EML5: variants seen among roughly 807,000 people sequenced by gnomAD.
EML5 encodes EMAP like 5.
In EML5, 120 loss-of-function variants were observed where a neutral mutation model predicts 250.0. The observed-to-expected ratio is 0.48, with a 90% CI of 0.41 to 0.56. The LOEUF is 0.56. Among genes scored for constraint, EML5 ranks in the 20% least tolerant of loss-of-function variants. The pLI is 0.00. For synonymous variants in EML5, 771 were observed against 806.5 expected (o/e 0.96, Z 0.75); for missense variants, 2,006 against 2,437.6 (o/e 0.82, Z 3.73).
intron 13 of EML5, among the ~76,000 whole-genome samples, chr14:88,703,571 C>T (rs756139874): frequency 6.6e-6 from 1 of 152,188 alleles, no homozygotes; most frequent in Non-Finnish European, 1.5e-5. Context: ...ATAGAAACTA[C>T]TGCCATTTTA....
intron 1 of EML5, among the ~76,000 whole-genome samples, chr14:88,772,129 C>T (rs1173236001): frequency 6.6e-6 from 1 of 152,194 alleles, no homozygotes; most frequent in Admixed American, 6.5e-5. Flanking sequence ...TTGCTCAGAC[C>T]AAGAAGCTAA....
At chr14:88,744,402 C>T (rs139702303) in intron 3 of EML5, among the ~76,000 whole-genome samples, 1,587 of 151,864 alleles carry the variant, frequency 0.01, 29 homozygotes, top group African/African-American at 0.036. Context: ...AATTAGGACA[C>T]GAAGGGAGGT....
chr14:88,768,234 G>A (rs909860690), intron 1 of EML5, among the ~76,000 whole-genome samples: 32 of 152,128 alleles, frequency 2.1e-4, no homozygotes, highest in Non-Finnish European at 3.7e-4. Flanking sequence ...TGGTTAAACA[G>A]TACATGCCAC....
chr14:88,713,731 C>T (rs943632021), intron 9 of EML5, among the ~76,000 whole-genome samples: 1 of 151,570 alleles, frequency 6.6e-6, no homozygotes, highest in Non-Finnish European at 1.5e-5. Context: ...GCTGGGATTA[C>T]AGGCGTGAGG....
chr14:88,700,621 A>G (rs1358401252), intron 14 of EML5, among the ~76,000 whole-genome samples: 1 of 152,150 alleles, frequency 6.6e-6, no homozygotes, highest in Non-Finnish European at 1.5e-5. Flanking sequence ...CTCCACTACA[A>G]CAAGCACCTT....
At chr14:88,660,199 C>G (rs555817612) in intron 25 of EML5, among the ~76,000 whole-genome samples, 3 of 150,286 alleles carry the variant, frequency 2.0e-5, no homozygotes, top group Non-Finnish European at 4.4e-5. Context: ...GGGAGGATAA[C>G]TTGGGTCTGG....
intron 21 of EML5, among the ~76,000 whole-genome samples, chr14:88,670,144 A>G (rs1215684585): frequency 6.6e-6 from 1 of 151,586 alleles, no homozygotes; most frequent in Non-Finnish European, 1.5e-5. Flanking sequence ...GTGAAACCCC[A>G]TCTCTACTAA....
Position 88,792,553 on chromosome 14 carries a change from AGGCGGC to A in EML5, c.-56_-51del. On this transcript the variant is annotated 5_prime_UTR_variant, in exon 1 of 44. Transcript: ENST00000554922. This position sits in a 1 kb window ranked among gnomAD's most constrained non-coding sequence, Gnocchi z 6.9. ...CGCTCGGGCCCGCGGCGGCGACGGG[AGGCGGC>A]GGCGGCCCGGCAACGAAAGCCCTCC... 8.2e-7 allele frequency: 1 copy of A among 1,215,918 alleles called. No individual in the cohort carries two copies. Among genetic ancestry groups the A allele is most frequent in the Non-Finnish European group, 1.0e-6 (1 of 972,452 alleles). 75.3% of individuals were successfully genotyped at this position (1,215,918 alleles called of 1,614,324 possible). A position where few individuals can be genotyped will look rare whatever the true frequency, so the allele number is the denominator to read the frequency against.
In EML5 at chr14:88,664,376, G is replaced by C. The variant is rs1157948138; in HGVS notation, c.3409+117C>G. The C allele has an allele frequency of 6.5e-6, 5 of 766,828 alleles. No homozygotes were observed. In the Admixed American group the frequency reaches 1.2e-4, roughly 18 times the overall value. The allele number at this position is 766,828 out of a possible 1,614,324, so 47.5% of individuals were successfully genotyped here. ...AGTAAAAAATAATTTTGAGAATAAT[G>C]GTTGTTTTTCCCAATTCTTTTTAAC... On this transcript the variant is annotated intron_variant, in intron 23 of 43. Coordinates refer to ENST00000554922, the MANE Select transcript of EML5 (RefSeq NM_183387.3).
chr14:88,786,395 G>C lies in EML5; in HGVS notation c.197+5912C>G, dbSNP rs551254033. On this transcript the variant is annotated intron_variant, in intron 1 of 43. Coordinates refer to ENST00000554922, the MANE Select transcript of EML5 (RefSeq NM_183387.3). ...TCCATAAGGGTGGGCAATTTTATCT[G>C]TTTGGTTCACTGCCATATCTCTAGT... Among the ~76,000 whole-genome samples the C allele has an allele frequency of 1.1e-4, 17 of 152,290 alleles. 1 individual carries two copies. Among genetic ancestry groups the C allele is most frequent in the Middle Eastern group, 3.4e-3 (1 of 294 alleles).
rs74921092 is a variant in EML5 at position 88,727,918 on chromosome 14, G to A, written c.1050-1240C>T. ...AAAAGATAACTAGAAGATACCCATT[G>A]TTTGAAAATTAAGAATTATACTTCC... On this transcript the variant is annotated intron_variant, in intron 7 of 43. Transcript: ENST00000554922. Among the ~76,000 whole-genome samples, 929 of 152,260 alleles carry A rather than the reference G, an allele frequency of 6.1e-3. 19 individuals are homozygous for A. In the South Asian group the frequency reaches 0.072, roughly 12 times the overall value.
intron 31 of EML5, among the ~76,000 whole-genome samples, chr14:88,641,521 T>C (rs947176915): frequency 6.6e-6 from 1 of 152,108 alleles, no homozygotes; most frequent in Non-Finnish European, 1.5e-5. Context: ...GTTCAACATA[T>C]GCAAATTAAC....
chr14:88,642,778 T>A lies in EML5; in HGVS notation c.4237+115A>T, dbSNP rs1595341528. 8 of 967,760 alleles carry A rather than the reference T, an allele frequency of 8.3e-6. No homozygotes were observed. In the East Asian group the frequency reaches 2.3e-4, roughly 28 times the overall value. 59.9% of individuals were successfully genotyped at this position (967,760 alleles called of 1,614,324 possible). A position where few individuals can be genotyped will look rare whatever the true frequency, so the allele number is the denominator to read the frequency against. On this transcript the variant is annotated intron_variant, in intron 31 of 43. Transcript: ENST00000554922. Reference sequence around the variant, plus strand: ...AATATGAAATATTTTTATTCTGGAGTGTTTCTCCTACATTTCAATTACTAT... The same window carrying A: ...AATATGAAATATTTTTATTCTGGAGAGTTTCTCCTACATTTCAATTACTAT...
At chr14:88,697,927 G>C (rs915235927) in intron 14 of EML5, among the ~76,000 whole-genome samples, 1 of 151,988 alleles carries the variant, frequency 6.6e-6, no homozygotes, top group Non-Finnish European at 1.5e-5. Context: ...AGTAGACACA[G>C]GGTTTCTCCA....
intron 2 of EML5, among the ~76,000 whole-genome samples, chr14:88,751,761 C>A (rs1018863357): frequency 4.6e-5 from 7 of 152,104 alleles, no homozygotes; most frequent in Non-Finnish European, 7.4e-5. Context: ...CAAGGAAAGA[C>A]TCCTTTAAAG....
intron 41 of EML5, chr14:88,617,693 C>T (rs1191885191): frequency 6.6e-6 from 1 of 152,264 alleles, no homozygotes; most frequent in African/African-American, 2.4e-5. Flanking sequence ...ATCAAAACTT[C>T]TAGGCTCAAG....
Position 88,696,707 on chromosome 14 carries a change from A to G in EML5, c.2344+140T>C, listed in dbSNP as rs2093087332. On this transcript the variant is annotated intron_variant, in intron 15 of 43. Transcript: ENST00000554922. Reference sequence around the variant, plus strand: ...ATCCACACTTTCATAGTATTTGATAAGGATAACAGTATACACATTTGATAA... The same window carrying G: ...ATCCACACTTTCATAGTATTTGATAGGGATAACAGTATACACATTTGATAA... The G allele has an allele frequency of 8.9e-6, 4 of 448,718 alleles. No individual in the cohort carries two copies. The East Asian group carries it at 1.4e-4, about 15-fold the overall frequency. The allele number at this position is 448,718 out of a possible 1,614,324, so 27.8% of individuals were successfully genotyped here.
intron 21 of EML5, among the ~76,000 whole-genome samples, chr14:88,672,648 G>A (rs1250204890): frequency 6.6e-6 from 1 of 151,058 alleles, no homozygotes; most frequent in East Asian, 1.9e-4. Context: ...TAGATCATTA[G>A]CTAGACAAGA....
chr14:88,782,356 A>G (rs1233134970), intron 1 of EML5, among the ~76,000 whole-genome samples: 1 of 152,168 alleles, frequency 6.6e-6, no homozygotes, highest in Non-Finnish European at 1.5e-5. Flanking sequence ...AAGTTTGGAA[A>G]TTTTTCAGCC....
Sources: gnomAD v4.1 joint callset for allele counts (sites outside exome capture counted in the v4.1 genomes callset) on GRCh38, gnomAD v4.1.1 for gene constraint, Gnocchi (gnomAD v3.1) non-coding constraint, MANE v1.5 for transcripts, NCBI Gene and HGNC (gene_info 2026-07-23, HGNC 2026-07-21) for gene names.